Variants in ABLIM2 observed in about 807,000 individuals in gnomAD.
ABLIM2 encodes the protein actin-binding LIM protein 2.
Under a neutral mutation model 97.7 loss-of-function variants are expected in ABLIM2, and 53 were observed. The observed-to-expected ratio is 0.54, with a 90% CI of 0.44 to 0.68. The LOEUF (loss-of-function observed/expected upper bound fraction) is 0.68, where lower values mean the gene tolerates loss of function less well. Among genes scored for constraint, ABLIM2 ranks in the 30% least tolerant of loss-of-function variants. The pLI is 0.00. For synonymous variants in ABLIM2, 361 were observed against 345.8 expected, an observed-to-expected ratio of 1.04 and a Z score of -0.49; for missense variants, 835 against 867.2, an observed-to-expected ratio of 0.96 and a Z score of 0.47.
rs960806229 is a variant in ABLIM2 at position 8,033,342 on chromosome 4, T to C, written c.1047+2807A>G. On this transcript the variant is annotated intron_variant, in intron 10 of 20. Coordinates refer to ENST00000447017, the MANE Select transcript of ABLIM2 (RefSeq NM_001130083.2). This position sits in a 1 kb window ranked among gnomAD's most constrained non-coding sequence, Gnocchi z 4.5. ...ACTCTGTTCACAGGAACCATGGTTA[T>C]TACAGCGCAATAACTCGACGGCCTC... is the stretch of plus-strand genomic sequence containing the variant. Among the ~76,000 whole-genome samples the C allele has an allele frequency of 3.3e-5, 5 of 152,130 alleles. No homozygotes were observed. The highest frequency in any genetic ancestry group is 9.7e-5 in the African/African-American group (4 of 41,440).
rs7660199 is a variant in ABLIM2 at position 8,155,983 on chromosome 4, A to G, written c.10+2697T>C. On this transcript the variant is annotated intron_variant, in intron 1 of 20. Transcript: ENST00000447017. This position sits in a 1 kb window ranked among gnomAD's most constrained non-coding sequence, Gnocchi z 4.2. ...TCTGGCCTCTAGAATCAGCAAAAAAATAAGTGTCTTCTCTTTAAGCCACCT... is the reference window on the plus strand; with the variant it reads ...TCTGGCCTCTAGAATCAGCAAAAAAGTAAGTGTCTTCTCTTTAAGCCACCT... Among the ~76,000 whole-genome samples the G allele has an allele frequency of 0.33, 49,130 of 151,030 alleles. 8,413 individuals carry two copies. The highest frequency in any genetic ancestry group is 0.41 in the East Asian group (2,118 of 5,148).
At chr4:7,974,392 C>CATCCACCA (rs1311921068) in intron 20 of ABLIM2, among the ~76,000 whole-genome samples, 1 of 119,490 alleles carries the variant, frequency 8.4e-6, no homozygotes, top group Non-Finnish European at 2.1e-5. Flanking sequence ...CCCATCCACC[C>CATCCACCA]ATCCATCCAC....
In ABLIM2 at chr4:8,158,747, C is replaced by T; in HGVS notation, c.-58G>A. The T allele has an allele frequency of 7.5e-7, 1 of 1,336,502 alleles. No individual in the cohort carries two copies. Among genetic ancestry groups the T allele is most frequent in the Middle Eastern group, 2.5e-4 (1 of 3,958 alleles). 82.8% of individuals were successfully genotyped at this position (1,336,502 alleles called of 1,614,324 possible). ...CGCTGCGACAGCCAGACCCTCGGGC[C>T]CGCAGGTGCCGCGCCCGCGCTATCC... On this transcript the variant is annotated 5_prime_UTR_variant, in exon 1 of 21. Coordinates refer to ENST00000447017, the MANE Select transcript of ABLIM2 (RefSeq NM_001130083.2).
chr4:8,041,797 G>A (rs1209244064), intron 9 of ABLIM2, among the ~76,000 whole-genome samples: 4 of 151,966 alleles, frequency 2.6e-5, no homozygotes, highest in South Asian at 2.1e-4. Flanking sequence ...CCAGCTACTC[G>A]GGAGGCCGAG....
intron 14 of ABLIM2, among the ~76,000 whole-genome samples, chr4:8,018,068 A>G (rs1770781677): frequency 6.6e-6 from 1 of 152,006 alleles, no homozygotes; most frequent in Non-Finnish European, 1.5e-5. Context: ...GTTCAGGTAA[A>G]GGACTGAGGT....
chr4:8,009,357 T>C (rs1338325463), intron 14 of ABLIM2, among the ~76,000 whole-genome samples: 1 of 151,982 alleles, frequency 6.6e-6, no homozygotes. Flanking sequence ...CCACACAGAG[T>C]AATGTTTTCA....
Position 7,970,548 on chromosome 4 carries a change from C to T in ABLIM2, c.1825-3445G>A, listed in dbSNP as rs61067460. ...GAGAGAAGGGCAGGCTTGAGGATGA[C>T]ACCATGTGCTCCAGGCTGTGGGAGC... is the stretch of plus-strand genomic sequence containing the variant. On this transcript the variant is annotated intron_variant, in intron 20 of 20. Coordinates refer to ENST00000447017, the MANE Select transcript of ABLIM2 (RefSeq NM_001130083.2). This position sits in a 1 kb window ranked among gnomAD's most constrained non-coding sequence, Gnocchi z 5.3. 1.3e-5 allele frequency among the ~76,000 whole-genome samples: 2 copies of T among 151,864 alleles called. No homozygotes were observed. The highest frequency in any genetic ancestry group is 6.6e-5 in the Admixed American group (1 of 15,242).
intron 20 of ABLIM2, among the ~76,000 whole-genome samples, chr4:7,975,878 G>A (rs146889274): frequency 3.9e-5 from 6 of 152,218 alleles, no homozygotes; most frequent in Admixed American, 2.0e-4. Flanking sequence ...GCGAATGCCC[G>A]ACTTCAGAGG....
chr4:8,024,255 C>T (rs1225941072), intron 12 of ABLIM2, among the ~76,000 whole-genome samples: 1 of 152,200 alleles, frequency 6.6e-6, no homozygotes, highest in Admixed American at 6.5e-5. Flanking sequence ...ACTCCCCTCC[C>T]AGCCTGCACT....
At chr4:8,151,696 C>T (rs1367405616) in intron 1 of ABLIM2, among the ~76,000 whole-genome samples, 1 of 152,086 alleles carries the variant, frequency 6.6e-6, no homozygotes, top group Non-Finnish European at 1.5e-5. Flanking sequence ...CCTGTTTTTA[C>T]AGATGGGTAC....
Position 8,032,501 on chromosome 4 carries a change from G to T in ABLIM2, c.1048-2725C>A. 2 of 900,200 alleles carry T rather than the reference G, an allele frequency of 2.2e-6. No individual in the cohort carries two copies. The highest frequency in any genetic ancestry group is 3.5e-6 in the Non-Finnish European group (2 of 570,822). 55.8% of individuals were successfully genotyped at this position (900,200 alleles called of 1,614,324 possible). A position where few individuals can be genotyped will look rare whatever the true frequency, so the allele number is the denominator to read the frequency against. ...AAAAATAACCAGCAGCCAGGAGGGTGCCCCATGTCACAAGGGCCGTGGCCC... is the reference window on the plus strand; with the variant it reads ...AAAAATAACCAGCAGCCAGGAGGGTTCCCCATGTCACAAGGGCCGTGGCCC... On this transcript the variant is annotated intron_variant, in intron 10 of 20. Coordinates refer to ENST00000447017, the MANE Select transcript of ABLIM2 (RefSeq NM_001130083.2). The surrounding 1 kb of genome is among the most constrained non-coding windows in gnomAD (Gnocchi z 4.3).
At chr4:8,024,100 C>T (rs769886459) in intron 12 of ABLIM2, among the ~76,000 whole-genome samples, 11 of 152,184 alleles carry the variant, frequency 7.2e-5, no homozygotes, top group African/African-American at 1.9e-4. Context: ...GAGGCGCTGC[C>T]GGGGTCTGGG....
At position 8,027,840 on chromosome 4, in the gene ABLIM2, C is replaced by T; in HGVS notation, c.1186G>A (p.Gly396Ser). ...GACAGGGAGAGGCAGCTACTGGTACCCACACTCACAGTACCAGCTACGGGG... is the reference window on the plus strand; with the variant it reads ...GACAGGGAGAGGCAGCTACTGGTACTCACACTCACAGTACCAGCTACGGGG... ...YSRPAGTVSV[G>S]TSSCLSLSQH... Residue 396 changes from glycine to serine, a missense_variant, in exon 12 of 21, where the codon GGT becomes AGT. Transcript: ENST00000447017. 2.5e-6 allele frequency: 4 copies of T among 1,595,908 alleles called. No individual in the cohort carries two copies. The highest frequency in any genetic ancestry group is 1.4e-5 in the African/African-American group (1 of 74,028).
chr4:7,973,578 C>T (rs761897454), intron 20 of ABLIM2, among the ~76,000 whole-genome samples: 1 of 151,894 alleles, frequency 6.6e-6, no homozygotes, highest in Non-Finnish European at 1.5e-5. Flanking sequence ...CAGGATAGGC[C>T]CTGCAGGGCC....
At chr4:7,972,659 C>T (rs1729055438) in intron 20 of ABLIM2, among the ~76,000 whole-genome samples, 1 of 152,174 alleles carries the variant, frequency 6.6e-6, no homozygotes, top group South Asian at 2.1e-4. Flanking sequence ...TGTGGCGCCA[C>T]GGGGGCTCCC....
intron 14 of ABLIM2, among the ~76,000 whole-genome samples, chr4:8,017,568 G>A (rs1371362144): frequency 2.6e-5 from 4 of 152,146 alleles, no homozygotes; most frequent in Non-Finnish European, 5.9e-5. Flanking sequence ...GATTACAGGT[G>A]TGAGCCACCA....
At chr4:8,000,368 C>G (rs552359220) in intron 16 of ABLIM2, among the ~76,000 whole-genome samples, 1 of 152,244 alleles carries the variant, frequency 6.6e-6, no homozygotes, top group South Asian at 2.1e-4. Flanking sequence ...CCACATGCTC[C>G]CTGGCAGGAC....
chr4:7,991,946 C>A (rs991040687), intron 17 of ABLIM2, among the ~76,000 whole-genome samples: 2 of 152,204 alleles, frequency 1.3e-5, no homozygotes, highest in Non-Finnish European at 2.9e-5. Context: ...ACAGCCACGG[C>A]TGCTCCAGCG....
chr4:7,989,831 G>A (rs909914999), intron 17 of ABLIM2, among the ~76,000 whole-genome samples: 23 of 152,186 alleles, frequency 1.5e-4, no homozygotes, highest in African/African-American at 5.1e-4. Flanking sequence ...GCCACCAGTC[G>A]TCACTCTCTG....
Sources: gnomAD v4.1 joint callset for allele counts (sites outside exome capture counted in the v4.1 genomes callset) on GRCh38, gnomAD v4.1.1 for gene constraint, Gnocchi (gnomAD v3.1) non-coding constraint, MANE v1.5 for transcripts, NCBI Gene and HGNC (gene_info 2026-07-23, HGNC 2026-07-21) for gene names.